Variants in CAMKMT observed in about 807,000 individuals in gnomAD.
The protein encoded by CAMKMT is CaM KMT.
CAMKMT carries 53 observed loss-of-function variants against 48.0 expected under a neutral mutation model. The ratio of observed to expected loss-of-function variants is 1.10; its 90% CI spans 0.89 to 1.39. CAMKMT has a LOEUF of 1.39. CAMKMT is among the 40% of genes most tolerant of loss of function. CAMKMT has a pLI of 0.00. For missense variants in CAMKMT, 428 were observed against 402.7 expected, an observed-to-expected ratio of 1.06 and a Z score of -0.54; for synonymous variants, 165 against 152.3, an observed-to-expected ratio of 1.08 and a Z score of -0.61.
intron 3 of CAMKMT, among the ~76,000 whole-genome samples, chr2:44,529,801 G>A (rs533418791): frequency 6.6e-6 from 1 of 152,260 alleles, no homozygotes; most frequent in South Asian, 2.1e-4. Flanking sequence ...GTTTCATGTG[G>A]ACTTCTGTTG....
At chr2:44,589,229 G>A (rs1670105661) in intron 3 of CAMKMT, among the ~76,000 whole-genome samples, 1 of 47,884 alleles carries the variant, frequency 2.1e-5, no homozygotes, top group African/African-American at 8.5e-5. Flanking sequence ...GAGCCCCTCT[G>A]CCTGGCCAGC....
chr2:44,635,224 G>A (rs535712291), intron 3 of CAMKMT, among the ~76,000 whole-genome samples: 4 of 152,224 alleles, frequency 2.6e-5, no homozygotes, highest in African/African-American at 9.6e-5. Flanking sequence ...GTCTAGATAA[G>A]GATAGTATTT....
chr2:44,398,428 C>G (rs1649194600), intron 3 of CAMKMT, among the ~76,000 whole-genome samples: 1 of 152,160 alleles, frequency 6.6e-6, no homozygotes, highest in African/African-American at 2.4e-5. Flanking sequence ...TCCAGGGTTT[C>G]TGCAAGGTAG....
chr2:44,517,570 G>C (rs1572697203), intron 3 of CAMKMT, among the ~76,000 whole-genome samples: 1 of 152,156 alleles, frequency 6.6e-6, no homozygotes, highest in African/African-American at 2.4e-5. Flanking sequence ...TTAACTTGAA[G>C]AGTATAGTGA....
intron 3 of CAMKMT, among the ~76,000 whole-genome samples, chr2:44,495,217 T>G (rs1669698365): frequency 6.6e-6 from 1 of 152,182 alleles, no homozygotes; most frequent in African/African-American, 2.4e-5. Context: ...CATAGGTCAC[T>G]GCAGCCTTGA....
At chr2:44,362,687 C>T (rs1678047724) in intron 1 of CAMKMT, among the ~76,000 whole-genome samples, 1 of 152,220 alleles carries the variant, frequency 6.6e-6, no homozygotes, top group Admixed American at 6.5e-5. Flanking sequence ...TACCCTCTCT[C>T]ACTGAGGTCT....
intron 3 of CAMKMT, among the ~76,000 whole-genome samples, chr2:44,684,222 T>C (rs1273302202): frequency 1.3e-5 from 2 of 152,222 alleles, no homozygotes; most frequent in Non-Finnish European, 2.9e-5. Flanking sequence ...TGATGACTTC[T>C]CCGTTCTCAA....
chr2:44,653,994 G>T lies in CAMKMT; in HGVS notation c.377-50289G>T, dbSNP rs1332564677. On this transcript the variant is annotated intron_variant, in intron 3 of 10. Transcript: ENST00000378494. The surrounding 1 kb of genome is among the most constrained non-coding windows in gnomAD (Gnocchi z 5.2). ...CTTTGAATTAAAATTTTCTTAGTTTGCCGTGTATTTTAATTGACTCTGGAC... is the reference window on the plus strand; with the variant it reads ...CTTTGAATTAAAATTTTCTTAGTTTTCCGTGTATTTTAATTGACTCTGGAC... 6.6e-6 allele frequency among the ~76,000 whole-genome samples: 1 copy of T among 152,110 alleles called. No homozygotes were observed. The highest frequency in any genetic ancestry group is 2.4e-5 in the African/African-American group (1 of 41,418).
chr2:44,659,507 A>G (rs1674563840), intron 3 of CAMKMT, among the ~76,000 whole-genome samples: 1 of 150,476 alleles, frequency 6.6e-6, no homozygotes, highest in African/African-American at 2.4e-5. Context: ...AGGTGGGAGG[A>G]TCCTCTGAGC....
chr2:44,598,200 T>A (rs1291468042), intron 3 of CAMKMT, among the ~76,000 whole-genome samples: 1 of 152,102 alleles, frequency 6.6e-6, no homozygotes, highest in Non-Finnish European at 1.5e-5. Context: ...ACACTTGTAA[T>A]ATAAGGAAAT....
At chr2:44,691,361 G>C (rs1014297613) in intron 3 of CAMKMT, among the ~76,000 whole-genome samples, 1 of 152,226 alleles carries the variant, frequency 6.6e-6, no homozygotes, top group African/African-American at 2.4e-5. Flanking sequence ...TTGCCTGAAG[G>C]CTGTCTTCCC....
chr2:44,677,516 C>T (rs1345537112), intron 3 of CAMKMT, among the ~76,000 whole-genome samples: 5 of 152,138 alleles, frequency 3.3e-5, no homozygotes, highest in Admixed American at 3.3e-4. Context: ...GATAGGAATT[C>T]CATGTATATG....
chr2:44,631,937 A>G (rs1018118850), intron 3 of CAMKMT, among the ~76,000 whole-genome samples: 2 of 152,046 alleles, frequency 1.3e-5, no homozygotes, highest in Non-Finnish European at 2.9e-5. Context: ...ATATTATACT[A>G]TTTCACATAT....
intron 2 of CAMKMT, among the ~76,000 whole-genome samples, chr2:44,380,164 G>A (rs1680095691): frequency 6.6e-6 from 1 of 151,874 alleles, no homozygotes; most frequent in Admixed American, 6.6e-5. Flanking sequence ...TCGTTCCTCA[G>A]TCCTTACTCA....
At chr2:44,450,676 A>G (rs548601979) in intron 3 of CAMKMT, among the ~76,000 whole-genome samples, 1 of 152,252 alleles carries the variant, frequency 6.6e-6, no homozygotes, top group Admixed American at 6.5e-5. Flanking sequence ...TATTCACTTT[A>G]ATTAGCATTT....
chr2:44,517,606 C>T (rs975028180), intron 3 of CAMKMT, among the ~76,000 whole-genome samples: 1 of 152,142 alleles, frequency 6.6e-6, no homozygotes, highest in African/African-American at 2.4e-5. Flanking sequence ...TCTGCAATCT[C>T]CAAGTAATCA....
At chr2:44,629,433 C>CTTTTTTTTTTTT (rs897761983) in intron 3 of CAMKMT, among the ~76,000 whole-genome samples, 58 of 125,304 alleles carry the variant, frequency 4.6e-4, no homozygotes, top group Middle Eastern at 3.8e-3. Flanking sequence ...TTCTTTCTTT[C>CTTTTTTTTTTTT]TTTTTTTTTT....
At chr2:44,753,055 C>T (rs1170486972) in intron 8 of CAMKMT, among the ~76,000 whole-genome samples, 7 of 152,038 alleles carry the variant, frequency 4.6e-5, no homozygotes, top group Non-Finnish European at 8.8e-5. Context: ...GGTGACAGAG[C>T]TGCATGAACA....
chr2:44,434,866 T>G (rs933334287), intron 3 of CAMKMT, among the ~76,000 whole-genome samples: 1 of 152,198 alleles, frequency 6.6e-6, no homozygotes, highest in African/African-American at 2.4e-5. Context: ...TTGCATATAT[T>G]AAACTAGGAC....
Sources: allele counts gnomAD v4.1 joint callset (sites outside exome capture counted in the v4.1 genomes callset), GRCh38; gene constraint gnomAD v4.1.1; non-coding constraint Gnocchi (gnomAD v3.1); transcripts MANE v1.5; gene names NCBI Gene and HGNC (gene_info 2026-07-23, HGNC 2026-07-21).